FA2H: variants seen among roughly 807,000 people sequenced by gnomAD.
The protein encoded by FA2H is fatty acid 2-hydroxylase.
A neutral mutation model predicts 44.9 loss-of-function variants in FA2H; 22 were observed. The ratio of observed to expected loss-of-function variants is 0.49; its 90% CI spans 0.35 to 0.70. The LOEUF is 0.70. Among genes scored for constraint, FA2H ranks in the 30% least tolerant of loss-of-function variants. FA2H has a pLI of 0.01. For missense variants in FA2H, 501 were observed against 504.9 expected, an observed-to-expected ratio of 0.99 and a Z score of 0.07; for synonymous variants, 243 against 213.2, an observed-to-expected ratio of 1.14 and a Z score of -1.22.
chr16:74,770,189 G>C lies in FA2H; in HGVS notation c.270+4297C>G, dbSNP rs990182450. ...GCCTCCTGCTCCTCCAGAGACAGGG[G>C]GCTCTAACCACAAGGGTGTCAGCAT... is the stretch of plus-strand genomic sequence containing the variant. On this transcript the variant is annotated intron_variant, in intron 1 of 6. Transcript: ENST00000219368. Among the ~76,000 whole-genome samples, 5 of 152,346 alleles carry C rather than the reference G, an allele frequency of 3.3e-5. No individual in the cohort carries two copies. The South Asian group carries it at 1.0e-3, about 32-fold the overall frequency.
intron 4 of FA2H, among the ~76,000 whole-genome samples, chr16:74,723,551 T>A (rs1961884730): frequency 6.6e-6 from 1 of 152,082 alleles, no homozygotes; most frequent in African/African-American, 2.4e-5. Flanking sequence ...CCTCTTGGGT[T>A]TCCTTCCTGG....
intron 1 of FA2H, among the ~76,000 whole-genome samples, chr16:74,748,453 C>A (rs1597562587): frequency 1.3e-5 from 2 of 152,252 alleles, no homozygotes; most frequent in Admixed American, 1.3e-4. Flanking sequence ...GAGGCACAGG[C>A]GGCCCGAATG....
rs150952617 is a variant in FA2H, at chr16:74,773,000, C to A, written c.270+1486G>T. 3.9e-3 allele frequency among the ~76,000 whole-genome samples: 591 copies of A among 152,108 alleles called. 3 individuals are homozygous for A. The highest frequency in any genetic ancestry group is 0.014 in the African/African-American group (566 of 41,494). On this transcript the variant is annotated intron_variant, in intron 1 of 6. Transcript: ENST00000219368. The stretch of plus-strand genomic sequence containing the variant: ...AGGTGATCCTCCCACCTTAGCCTCC[C>A]AAGTAGCTAGAATTATAGCCACATG...
intron 1 of FA2H, among the ~76,000 whole-genome samples, chr16:74,753,508 G>A (rs985423076): frequency 3.3e-5 from 5 of 152,036 alleles, no homozygotes; most frequent in African/African-American, 9.7e-5. Context: ...AGTGAACCCC[G>A]TCTCTACTAA....
In FA2H at chr16:74,774,773, C is replaced by A; in HGVS notation, c.-18G>T. The A allele has an allele frequency of 3.1e-6, 4 of 1,282,352 alleles. No homozygotes were observed. The highest frequency in any genetic ancestry group is 1.6e-5 in the African/African-American group (1 of 64,322). 79.4% of individuals were successfully genotyped at this position (1,282,352 alleles called of 1,614,324 possible). A position where few individuals can be genotyped will look rare whatever the true frequency, so the allele number is the denominator to read the frequency against. ...GGGGCCATGGCCGGAGACCGCAGCT[C>A]CCAGCGCGCAGCCCGGCGTCTGCTC... On this transcript the variant is annotated 5_prime_UTR_variant, in exon 1 of 7. Coordinates refer to ENST00000219368, the MANE Select transcript of FA2H (RefSeq NM_024306.5).
rs1961630770 is a variant in FA2H at position 74,713,861 on chromosome 16, G to A, written c.*329C>T. The A allele has an allele frequency of 3.0e-6, 1 of 338,660 alleles. No individual in the cohort carries two copies. The highest frequency in any genetic ancestry group is 5.6e-6 in the Non-Finnish European group (1 of 178,172). The allele number at this position is 338,660 out of a possible 1,614,324, so 21.0% of individuals were successfully genotyped here. ...ACAAGGGTGACACAGGTGGCCACGA[G>A]GGCTCAGTTTTCTTCATTTCCCCTT... On this transcript the variant is annotated 3_prime_UTR_variant, in exon 7 of 7. Transcript: ENST00000219368.
intron 1 of FA2H, among the ~76,000 whole-genome samples, chr16:74,749,693 A>C (rs1461224637): frequency 6.6e-6 from 1 of 152,144 alleles, no homozygotes; most frequent in Non-Finnish European, 1.5e-5. Flanking sequence ...TGGTTTGAAA[A>C]AATGAAATTA....
intron 2 of FA2H, among the ~76,000 whole-genome samples, chr16:74,732,900 G>A (rs1027291530): frequency 6.6e-6 from 1 of 152,360 alleles, no homozygotes; most frequent in South Asian, 2.1e-4. Context: ...CGTGGAAGAT[G>A]TGTTTACAGG....
At position 74,716,493 on chromosome 16, in the gene FA2H, C is replaced by A. The variant is rs573835278; in HGVS notation, c.893G>T (p.Gly298Val). 6.2e-7 allele frequency: 1 copy of A among 1,613,714 alleles called. No homozygotes were observed. The highest frequency in any genetic ancestry group is 1.3e-5 in the African/African-American group (1 of 74,956). The change falls in exon 6 of 7, where the codon GGC (glycine) becomes GTC (valine). Residue 298 changes from glycine (G) to valine (V), a missense_variant. By Grantham distance (109) the Gly-to-Val change is moderately radical. Coordinates refer to ENST00000219368, the MANE Select transcript of FA2H (RefSeq NM_024306.5). ...CAGGAGGCCCCCCGCAAACACAGTGCCCCCTACTGCCTCGGGCAGGATGAG... is the reference window on the plus strand; with the variant it reads ...CAGGAGGCCCCCCGCAAACACAGTGACCCCTACTGCCTCGGGCAGGATGAG... Reference protein sequence around the residue: ...MQLILPEAVGGTVFAGGLLGY... With the variant: ...MQLILPEAVGVTVFAGGLLGY...
At chr16:74,721,350 T>C (rs1306079445) in intron 4 of FA2H, among the ~76,000 whole-genome samples, 1 of 152,158 alleles carries the variant, frequency 6.6e-6, no homozygotes, top group Non-Finnish European at 1.5e-5. Context: ...GTATTTTTAG[T>C]AGAGACAGAG....
At chr16:74,743,570 C>G (rs1962354837) in intron 1 of FA2H, among the ~76,000 whole-genome samples, 1 of 152,156 alleles carries the variant, frequency 6.6e-6, no homozygotes, top group African/African-American at 2.4e-5. Context: ...GAATCATGGA[C>G]CAGCACCAGT....
At chr16:74,729,548 G>A (rs1962033345) in intron 2 of FA2H, among the ~76,000 whole-genome samples, 1 of 152,220 alleles carries the variant, frequency 6.6e-6, no homozygotes, top group Admixed American at 6.5e-5. Flanking sequence ...ACATAATGGA[G>A]AGTGTGTGCA....
intron 1 of FA2H, among the ~76,000 whole-genome samples, chr16:74,754,277 T>G (rs781125617): frequency 6.6e-6 from 1 of 152,114 alleles, no homozygotes; most frequent in Non-Finnish European, 1.5e-5. Flanking sequence ...GTGCCTGTAG[T>G]CCCAGCTATG....
chr16:74,725,462 T>C (rs1298537191), intron 4 of FA2H, among the ~76,000 whole-genome samples: 1 of 152,176 alleles, frequency 6.6e-6, no homozygotes, highest in African/African-American at 2.4e-5. Context: ...CCCAGTCTCA[T>C]AGGCTCTTTA....
intron 1 of FA2H, among the ~76,000 whole-genome samples, chr16:74,740,734 G>T (rs964334935): frequency 6.6e-6 from 1 of 152,056 alleles, no homozygotes; most frequent in African/African-American, 2.4e-5. Flanking sequence ...TGGAGAGACT[G>T]CAGGGAAAGA....
intron 4 of FA2H, among the ~76,000 whole-genome samples, chr16:74,721,654 C>T (rs1025553989): frequency 6.6e-6 from 1 of 152,198 alleles, no homozygotes; most frequent in Admixed American, 6.5e-5. Context: ...TGGATGATCC[C>T]TGTGCATCTT....
intron 1 of FA2H, among the ~76,000 whole-genome samples, chr16:74,762,332 C>T (rs1208828277): frequency 2.0e-5 from 3 of 151,702 alleles, no homozygotes; most frequent in African/African-American, 4.8e-5. Flanking sequence ...CGTGAGCCAC[C>T]GTGCCCGGCC....
rs141788552 is a variant in FA2H at position 74,727,755 on chromosome 16, G to A, written c.364-369C>T. 6.8e-3 allele frequency among the ~76,000 whole-genome samples: 1,033 copies of A among 152,310 alleles called. 16 individuals carry two copies. The highest frequency in any genetic ancestry group is 0.023 in the African/African-American group (957 of 41,542). ...CAAGAGCTAGAGAGACAGAATCTCA[G>A]TGATGATATCTGAGCATCCAGATTC... On this transcript the variant is annotated intron_variant, in intron 2 of 6. Coordinates refer to ENST00000219368, the MANE Select transcript of FA2H (RefSeq NM_024306.5).
chr16:74,743,649 C>A (rs193158102), intron 1 of FA2H, among the ~76,000 whole-genome samples: 1 of 152,192 alleles, frequency 6.6e-6, no homozygotes, highest in East Asian at 1.9e-4. Flanking sequence ...GGAAGGGGGT[C>A]GGCATGGCCT....
Sources: gnomAD v4.1 joint callset for allele counts (sites outside exome capture counted in the v4.1 genomes callset) on GRCh38, gnomAD v4.1.1 for gene constraint, MANE v1.5 for transcripts, NCBI Gene and HGNC (gene_info 2026-07-23, HGNC 2026-07-21) for gene names.